The following ADRA1A variants were observed in gnomAD, a reference collection of about 807,000 sequenced individuals.
ADRA1A encodes the protein adrenoceptor alpha 1A.
Under a neutral mutation model 29.6 loss-of-function variants are expected in ADRA1A, and 31 were observed. The observed-to-expected ratio is 1.05, with a 90% CI of 0.79 to 1.41. ADRA1A has a LOEUF of 1.41. Ranked by LOEUF, ADRA1A falls within the 40% of genes most tolerant of loss-of-function variation. The pLI is 0.00. For missense variants in ADRA1A, 619 were observed against 601.1 expected (o/e 1.03, Z -0.31); for synonymous variants, 311 against 254.3 (o/e 1.22, Z -2.12).
chr8:26,764,200 A>G (rs1195950699), downstream of ADRA1A, among the ~76,000 whole-genome samples: 4 of 152,068 alleles, frequency 2.6e-5, no homozygotes, highest in Non-Finnish European at 5.9e-5. Flanking sequence ...GAAAAGAATT[A>G]TTTCCCAAAC....
At chr8:26,803,494 C>T (rs940195582) in intron 2 of ADRA1A, among the ~76,000 whole-genome samples, 2 of 151,968 alleles carry the variant, frequency 1.3e-5, no homozygotes, top group Non-Finnish European at 2.9e-5. Context: ...AAGAAAACAT[C>T]GAAAAATACC....
At chr8:26,820,826 G>T (rs1371326215) in intron 2 of ADRA1A, among the ~76,000 whole-genome samples, 1 of 152,128 alleles carries the variant, frequency 6.6e-6, no homozygotes, top group Non-Finnish European at 1.5e-5. Context: ...TTCATATATG[G>T]TTGTAAGAAA....
downstream of ADRA1A, among the ~76,000 whole-genome samples, chr8:26,762,811 C>G (rs1805576790): frequency 6.6e-6 from 1 of 152,166 alleles, no homozygotes; most frequent in Admixed American, 6.5e-5. This position sits in a 1 kb window ranked among gnomAD's most constrained non-coding sequence, Gnocchi z 4.0. Flanking sequence ...CCTCCTCTCT[C>G]AACACTGTGA....
At chr8:26,820,871 T>C (rs910055665) in intron 2 of ADRA1A, among the ~76,000 whole-genome samples, 8 of 125,298 alleles carry the variant, frequency 6.4e-5, no homozygotes, top group African/African-American at 2.0e-4. Flanking sequence ...CTTTACCATA[T>C]GCATTAGGCC....
At chr8:26,791,630 A>G (rs1241767840) in intron 2 of ADRA1A, among the ~76,000 whole-genome samples, 2 of 152,172 alleles carry the variant, frequency 1.3e-5, no homozygotes, top group Non-Finnish European at 2.9e-5. Flanking sequence ...GCCAAAGACT[A>G]CAAGGGTCTG....
At chr8:26,814,117 G>A (rs1809602599) in intron 2 of ADRA1A, among the ~76,000 whole-genome samples, 1 of 151,940 alleles carries the variant, frequency 6.6e-6, no homozygotes, top group African/African-American at 2.4e-5. Context: ...ACAAAAAGAG[G>A]GTGCTTATTT....
chr8:26,840,538 G>C (rs1811743034), intron 2 of ADRA1A, among the ~76,000 whole-genome samples: 1 of 151,454 alleles, frequency 6.6e-6, no homozygotes, highest in Non-Finnish European at 1.5e-5. Flanking sequence ...GCAGTGGTTT[G>C]TACCAATGCA....
Position 26,864,082 on chromosome 8 carries a change from C to T in ADRA1A, c.883+5G>A, listed in dbSNP as rs1463004073. On this transcript the variant is annotated splice_donor_5th_base_variant and intron_variant, in intron 2 of 2. Transcript: ENST00000380573. The surrounding 1 kb of genome is among the most constrained non-coding windows in gnomAD (Gnocchi z 8.1). ...ATGCTAAAGTGAGGGGTGTTCAAGA[C>T]TTACCAATGGGCATGACTAAGAAAA... 2 of 1,610,284 alleles carry T rather than the reference C, an allele frequency of 1.2e-6. No homozygotes were observed. Among genetic ancestry groups the T allele is most frequent in the South Asian group, 2.2e-5 (2 of 90,248 alleles).
At chr8:26,755,611 C>A (rs1805128405), downstream of ADRA1A, among the ~76,000 whole-genome samples, 1 of 152,112 alleles carries the variant, frequency 6.6e-6, no homozygotes, top group Non-Finnish European at 1.5e-5. Context: ...TGTTCCCCAC[C>A]CCATTGTGTC....
intron 2 of ADRA1A, among the ~76,000 whole-genome samples, chr8:26,852,045 C>T (rs994732165): frequency 6.6e-6 from 1 of 152,090 alleles, no homozygotes; most frequent in African/African-American, 2.4e-5. Flanking sequence ...CACTCTCTGA[C>T]CACAATGCAT....
chr8:26,865,161 G>C lies in ADRA1A; in HGVS notation c.-192C>G. ...GGCCAGCCCTGGGAACCCTCAGAAG[G>C]CCACATGAAGGGGCAGGGCATTAAA... On this transcript the variant is annotated 5_prime_UTR_variant, in exon 2 of 3. Coordinates refer to ENST00000380573, the MANE Select transcript of ADRA1A (RefSeq NM_000680.4). The surrounding 1 kb of genome is among the most constrained non-coding windows in gnomAD (Gnocchi z 7.6). The C allele has an allele frequency of 2.1e-6, 3 of 1,429,488 alleles. No homozygotes were observed. Among genetic ancestry groups the C allele is most frequent in the Admixed American group, 2.9e-5 (1 of 34,574 alleles). The allele number at this position is 1,429,488 out of a possible 1,614,324, so 88.6% of individuals were successfully genotyped here.
At chr8:26,827,047 C>A (rs1810626898) in intron 2 of ADRA1A, among the ~76,000 whole-genome samples, 1 of 152,178 alleles carries the variant, frequency 6.6e-6, no homozygotes. Flanking sequence ...AAATGGAGGG[C>A]AAGAACTGAA....
rs554144507 is a variant in ADRA1A at position 26,787,439 on chromosome 8, G to C, written c.884-16773C>G. On this transcript the variant is annotated intron_variant, in intron 2 of 2. Transcript: ENST00000380573. This position sits in a 1 kb window ranked among gnomAD's most constrained non-coding sequence, Gnocchi z 4.2. ...ACTATATTCTGTCTGAAAAGACTTT[G>C]ACAAAATGCAACTAATAAAGTACGC... Among the ~76,000 whole-genome samples the C allele has an allele frequency of 5.3e-5, 8 of 152,240 alleles. No individual in the cohort carries two copies. Among genetic ancestry groups the C allele is most frequent in the Non-Finnish European group, 1.0e-4 (7 of 67,994 alleles).
rs1811667777 is a variant in ADRA1A at position 26,839,585 on chromosome 8, T to C, written c.883+24502A>G. Among the ~76,000 whole-genome samples the C allele has an allele frequency of 2.0e-5, 3 of 152,248 alleles. No homozygotes were observed. The South Asian group carries it at 6.2e-4, about 32-fold the overall frequency. ...TAGTCTCCACCTTGAAGTCAGGGTCTGTTCCTGTCTGGCGCCTGGTAGACT... is the reference window on the plus strand; with the variant it reads ...TAGTCTCCACCTTGAAGTCAGGGTCCGTTCCTGTCTGGCGCCTGGTAGACT... On this transcript the variant is annotated intron_variant, in intron 2 of 2. Coordinates refer to ENST00000380573, the MANE Select transcript of ADRA1A (RefSeq NM_000680.4).
At chr8:26,756,477 A>AT in exon 3 of ADRA1A, 1 of 1,471,936 alleles carries the variant, frequency 6.8e-7, no homozygotes, top group Admixed American at 2.1e-5. Flanking sequence ...AAACTGATTT[A>AT]CAAAAAATCG....
rs1334828164 is a variant in ADRA1A at position 26,831,750 on chromosome 8, C to CT, written c.883+32336dup. Among the ~76,000 whole-genome samples the CT allele has an allele frequency of 6.6e-6, 1 of 152,226 alleles. No individual in the cohort carries two copies. The highest frequency in any genetic ancestry group is 2.4e-5 in the African/African-American group (1 of 41,460). On this transcript the variant is annotated intron_variant, in intron 2 of 2. Transcript: ENST00000380573. This position sits in a 1 kb window ranked among gnomAD's most constrained non-coding sequence, Gnocchi z 5.2. ...CAGGGAATGAAGGACCCTTTTGGGC[C>CT]TTGGGGGGAACACGCTGCATGCAGC...
intron 2 of ADRA1A, among the ~76,000 whole-genome samples, chr8:26,835,262 T>A (rs1249270387): frequency 1.3e-5 from 2 of 152,216 alleles, no homozygotes; most frequent in Non-Finnish European, 2.9e-5. Context: ...ACTTAACTTT[T>A]TGTAGTGTGC....
intron 2 of ADRA1A, among the ~76,000 whole-genome samples, chr8:26,834,754 G>C (rs1214214219): frequency 6.6e-6 from 1 of 152,088 alleles, no homozygotes; most frequent in Non-Finnish European, 1.5e-5. Context: ...CCTCTGGCTG[G>C]GTCTACAGGA....
chr8:26,766,242 C>A, downstream of ADRA1A: 2 of 896,552 alleles, frequency 2.2e-6, no homozygotes, highest in South Asian at 1.4e-5. Flanking sequence ...ATGTACTTCC[C>A]AAAAGTGTTT....
Sources: gnomAD v4.1 joint callset for allele counts (sites outside exome capture counted in the v4.1 genomes callset) on GRCh38, gnomAD v4.1.1 for gene constraint, Gnocchi (gnomAD v3.1) non-coding constraint, MANE v1.5 for transcripts, NCBI Gene and HGNC (gene_info 2026-07-23, HGNC 2026-07-21) for gene names.